TAS2R1: variants seen among roughly 807,000 people sequenced by gnomAD.
TAS2R1 encodes taste receptor type 2 member 1.
For synonymous variants in TAS2R1, 141 were observed against 134.2 expected, an observed-to-expected ratio of 1.05 and a Z score of -0.35; for missense variants, 370 against 353.4, an observed-to-expected ratio of 1.05 and a Z score of -0.38.
chr5:9,725,651 G>A, the TAS2R1 span, among the ~76,000 whole-genome samples: 95 of 150,632 alleles, frequency 6.3e-4, no homozygotes, highest in African/African-American at 2.3e-3. Flanking sequence ...CCTCCCCGAC[G>A]AGCACCGCCC....
the TAS2R1 span, among the ~76,000 whole-genome samples, chr5:9,740,444 TA>T: frequency 2.0e-5 from 3 of 152,158 alleles, no homozygotes; most frequent in Non-Finnish European, 2.9e-5. Context: ...ATGAAATGAA[TA>T]AAAGGCACCA....
chr5:9,648,416 C>T (rs960143284), intron 2 of TAS2R1, among the ~76,000 whole-genome samples: 2 of 151,830 alleles, frequency 1.3e-5, no homozygotes, highest in Admixed American at 1.3e-4. Context: ...TTTCAGGTGG[C>T]CTGAAATTTG....
At chr5:9,705,131 G>A (rs904062787) in intron 1 of TAS2R1, among the ~76,000 whole-genome samples, 4 of 151,414 alleles carry the variant, frequency 2.6e-5, no homozygotes, top group African/African-American at 7.3e-5. Context: ...TAGAATTACC[G>A]CAAAAAAAAA....
chr5:9,789,101 C>T, the TAS2R1 span, among the ~76,000 whole-genome samples: 3 of 152,172 alleles, frequency 2.0e-5, no homozygotes, highest in Non-Finnish European at 2.9e-5. Flanking sequence ...CATTCCCATG[C>T]CTACCCCCAA....
At chr5:9,774,105 T>C in the TAS2R1 span, among the ~76,000 whole-genome samples, 11 of 152,340 alleles carry the variant, frequency 7.2e-5, no homozygotes, top group Non-Finnish European at 1.5e-4. Context: ...CTGCATTCTT[T>C]CTTACTCTGC....
intron 1 of TAS2R1, among the ~76,000 whole-genome samples, chr5:9,701,948 G>A (rs2126526099): frequency 6.6e-6 from 1 of 152,274 alleles, no homozygotes; most frequent in East Asian, 1.9e-4. Flanking sequence ...GTGATGTACA[G>A]GGGCAAAACT....
At chr5:9,818,264 G>A in the TAS2R1 span, among the ~76,000 whole-genome samples, 1 of 152,126 alleles carries the variant, frequency 6.6e-6, no homozygotes, top group Admixed American at 6.5e-5. Context: ...TGTCAGTGAA[G>A]ACATTTTCTT....
chr5:9,726,702 G>A, the TAS2R1 span, among the ~76,000 whole-genome samples: 11 of 152,156 alleles, frequency 7.2e-5, no homozygotes, highest in African/African-American at 1.4e-4. Context: ...GAGGGTCCGC[G>A]GCTTCATTCT....
At chr5:9,760,349 C>T in the TAS2R1 span, among the ~76,000 whole-genome samples, 1 of 152,130 alleles carries the variant, frequency 6.6e-6, no homozygotes, top group Non-Finnish European at 1.5e-5. Flanking sequence ...TAATATGAGG[C>T]CAGCATTGCC....
the TAS2R1 span, among the ~76,000 whole-genome samples, chr5:9,805,755 T>A: frequency 6.6e-6 from 1 of 152,052 alleles, no homozygotes; most frequent in Admixed American, 6.5e-5. Flanking sequence ...CTTAAGGTAA[T>A]AAAAGCCATC....
chr5:9,836,262 G>A, the TAS2R1 span, among the ~76,000 whole-genome samples: 1 of 152,084 alleles, frequency 6.6e-6, no homozygotes. Flanking sequence ...TCTTGGGTAT[G>A]TCTTTACCAG....
the TAS2R1 span, among the ~76,000 whole-genome samples, chr5:9,744,791 T>C: frequency 6.6e-6 from 1 of 152,182 alleles, no homozygotes; most frequent in Non-Finnish European, 1.5e-5. Flanking sequence ...AGAAAATGTT[T>C]ATCATATTTA....
In TAS2R1 at chr5:9,679,139, C is replaced by A. The variant is rs954447168; in HGVS notation, c.-241-19558G>T. On this transcript the variant is annotated intron_variant, in intron 1 of 2. Coordinates refer to the TAS2R1 transcript ENST00000506620. The stretch of plus-strand genomic sequence containing the variant: ...TACATCGTGTATGATTCCAAATACA[C>A]GACATTCTATAAAAGACAAAAGTAT... 2.6e-5 allele frequency among the ~76,000 whole-genome samples: 4 copies of A among 152,016 alleles called. No homozygotes were observed. The East Asian group carries it at 5.8e-4, about 22-fold the overall frequency.
At chr5:9,787,157 TCAA>T in the TAS2R1 span, among the ~76,000 whole-genome samples, 1 of 152,144 alleles carries the variant, frequency 6.6e-6, no homozygotes, top group Non-Finnish European at 1.5e-5. Context: ...TCATAGACAG[TCAA>T]CAAATGGCTG....
the TAS2R1 span, among the ~76,000 whole-genome samples, chr5:9,863,907 G>A: frequency 6.6e-6 from 1 of 152,176 alleles, no homozygotes; most frequent in African/African-American, 2.4e-5. Flanking sequence ...TAAAGTTCAG[G>A]TCTGTACTCA....
chr5:9,792,603 G>T, the TAS2R1 span, among the ~76,000 whole-genome samples: 1 of 152,184 alleles, frequency 6.6e-6, no homozygotes, highest in Admixed American at 6.5e-5. Context: ...GAATGCTGGT[G>T]ATCCCATATT....
the TAS2R1 span, among the ~76,000 whole-genome samples, chr5:9,798,333 T>A: frequency 6.6e-6 from 1 of 152,138 alleles, no homozygotes; most frequent in African/African-American, 2.4e-5. Context: ...TACAATTCTG[T>A]AAATTTACAA....
intron 2 of TAS2R1, among the ~76,000 whole-genome samples, chr5:9,646,130 GTATT>G (rs758585815): frequency 1.2e-4 from 19 of 152,062 alleles, no homozygotes; most frequent in Non-Finnish European, 2.4e-4. Flanking sequence ...AGAGTTTTGA[GTATT>G]CTATTCACTA....
At chr5:9,681,516 C>T (rs1295550601) in intron 1 of TAS2R1, among the ~76,000 whole-genome samples, 2 of 91,094 alleles carry the variant, frequency 2.2e-5, no homozygotes, top group African/African-American at 9.0e-5. Context: ...TTTCAGGGGA[C>T]TTCTCATGTT....
Sources: gnomAD v4.1 joint callset for allele counts (sites outside exome capture counted in the v4.1 genomes callset) on GRCh38, gnomAD v4.1.1 for gene constraint, MANE v1.5 for transcripts, NCBI Gene and HGNC (gene_info 2026-07-23, HGNC 2026-07-21) for gene names.